Variants in PVRIG observed in about 807,000 individuals in gnomAD.
The protein encoded by PVRIG is PVR related immunoglobulin domain containing.
PVRIG carries 16 observed loss-of-function variants against 21.9 expected under a neutral mutation model. The observed-to-expected ratio is 0.73, with a 90% CI of 0.50 to 1.11. PVRIG has a LOEUF of 1.11. PVRIG is among the 50% of genes most tolerant of loss of function. The pLI is 0.00. For synonymous variants in PVRIG, 190 were observed against 181.0 expected, an observed-to-expected ratio of 1.05 and a Z score of -0.40; for missense variants, 435 against 445.7, an observed-to-expected ratio of 0.98 and a Z score of 0.22.
rs377125987 is a variant in PVRIG at position 100,220,472 on chromosome 7, C to T, written c.469+8C>T. Reference sequence around the variant, plus strand: ...CGCCCAGCTCAGACCCAGGTGGGGCCGGGGCGAGGGGTCCAGGAGGGCAGG... The same window carrying T: ...CGCCCAGCTCAGACCCAGGTGGGGCTGGGGCGAGGGGTCCAGGAGGGCAGG... On this transcript the variant is annotated splice_region_variant and intron_variant, in intron 3 of 5. Coordinates refer to ENST00000317271, the Ensembl canonical transcript of PVRIG. 17 of 1,611,802 alleles carry T rather than the reference C, an allele frequency of 1.1e-5. 1 individual carries two copies. The highest frequency in any genetic ancestry group is 5.5e-5 in the South Asian group (5 of 90,898).
chr7:100,221,488 G>C, exon 6 of PVRIG: 1 of 444,776 alleles, frequency 2.2e-6, no homozygotes. Flanking sequence ...CTCTGATGTC[G>C]GCCTCGGCTG....
chr7:100,221,320 C>A (rs2117692104), exon 6 of PVRIG: 1 of 1,283,874 alleles, frequency 7.8e-7, no homozygotes, highest in East Asian at 2.5e-5. Context: ...TACTTTAATT[C>A]TTGGGCCTCC....
exon 6 of PVRIG, chr7:100,221,421 G>A (rs1473473357): frequency 9.8e-6 from 5 of 509,986 alleles, no homozygotes; most frequent in South Asian, 3.8e-5. Flanking sequence ...GAGTGTGTGA[G>A]TGACAGTTAC....
At chr7:100,221,103 C>A (rs757239515) in exon 6 of PVRIG, 2 of 1,613,892 alleles carry the variant, frequency 1.2e-6, no homozygotes, top group African/African-American at 2.7e-5. Context: ...GCCTCCACAC[C>A]CATCCCTGCA....
At chr7:100,220,659 C>T (rs748662339) in exon 4 of PVRIG, 3 of 1,611,144 alleles carry the variant, frequency 1.9e-6, no homozygotes, top group African/African-American at 1.3e-5. Flanking sequence ...ATCTGCTGCG[C>T]CGACATAAGC....
In PVRIG at chr7:100,220,388, C is replaced by A. The variant is rs903331494; in HGVS notation, c.393C>A (p.Thr131=). 4.4e-6 allele frequency: 7 copies of A among 1,585,954 alleles called. No homozygotes were observed. The Admixed American group carries it at 9.0e-5, about 20-fold the overall frequency. The change falls in exon 3 of 6, where the codon ACC becomes ACA. Residue 131 remains threonine (T), a synonymous_variant. Transcript: ENST00000317271. ...CCAGCAGCCCCTGCGCCAACACCAC[C>A]TTCTGCTGCAAGTTTGCGTCCTTCC...
In PVRIG at chr7:100,220,917, C is replaced by G. The variant is rs532667002; in HGVS notation, c.658-11C>G. The G allele has an allele frequency of 1.9e-6, 3 of 1,576,120 alleles. No homozygotes were observed. The highest frequency in any genetic ancestry group is 1.2e-5 in the South Asian group (1 of 86,708). On this transcript the variant is annotated splice_polypyrimidine_tract_variant and intron_variant, in intron 5 of 5. Transcript: ENST00000317271. The stretch of plus-strand genomic sequence containing the variant: ...TGTGCAGACTCACTTGACCCTCCTT[C>G]CCCCGCGCAGGCACCAAGCCAGGCC...
In PVRIG at chr7:100,219,921, A is replaced by G. The variant is rs1419094131; in HGVS notation, c.11A>G (p.Glu4Gly). 18 of 1,549,628 alleles carry G rather than the reference A, an allele frequency of 1.2e-5. No individual in the cohort carries two copies. The African/African-American group carries it at 2.2e-4, about 19-fold the overall frequency. The stretch of plus-strand genomic sequence containing the variant: ...TGAAGACTTCCTGCGATGAGAACAG[A>G]GGCACAGGTGCCGGCCCTGCAGCCC... Residue 4 changes from glutamate (E) to glycine (G), a missense_variant, in exon 2 of 6, where the codon GAG (glutamate) becomes GGG (glycine). Coordinates refer to ENST00000317271, the Ensembl canonical transcript of PVRIG.
chr7:100,220,390 T>G, exon 3 of PVRIG: 1 of 1,587,102 alleles, frequency 6.3e-7, no homozygotes, highest in East Asian at 2.3e-5. Flanking sequence ...AACACCACCT[T>G]CTGCTGCAAG....
chr7:100,220,363 C>T, exon 3 of PVRIG: 1 of 1,565,828 alleles, frequency 6.4e-7, no homozygotes, highest in Non-Finnish European at 8.7e-7. Context: ...GGCTCTGGGG[C>T]CAGCAGCCCC....
In PVRIG at chr7:100,219,922, G is replaced by A. The variant is rs755241353; in HGVS notation, c.12G>A (p.Glu4=). Residue 4 remains glutamate, a synonymous_variant, in exon 2 of 6, where the codon GAG becomes GAA. Coordinates refer to ENST00000317271, the Ensembl canonical transcript of PVRIG. ...GAAGACTTCCTGCGATGAGAACAGA[G>A]GCACAGGTGCCGGCCCTGCAGCCCC... 3.5e-5 allele frequency: 54 copies of A among 1,549,720 alleles called. No homozygotes were observed. The East Asian group carries it at 1.3e-3, about 38-fold the overall frequency.
exon 2 of PVRIG, chr7:100,219,745 G>A (rs1007106320): frequency 4.5e-6 from 3 of 667,732 alleles, no homozygotes; most frequent in Middle Eastern, 4.1e-4. Context: ...ACCCACCTGT[G>A]CCGCCCTGCC....
chr7:100,220,578 T>C (rs757530666), exon 4 of PVRIG: 6 of 1,611,988 alleles, frequency 3.7e-6, no homozygotes, highest in Non-Finnish European at 5.1e-6. Flanking sequence ...CTGCCCCCAT[T>C]CTGCGGGCAG....
chr7:100,221,392 CGTGTGTGGGCACAGGTGTGA>C (rs1803247139), exon 6 of PVRIG: 7 of 626,392 alleles, frequency 1.1e-5, no homozygotes, highest in Admixed American at 9.4e-5. Context: ...TCTGTGTGTG[CGTGTGTGGGCACAGGTGTGA>C]GTGTGTGAGT....
chr7:100,220,266 T>C (rs1803139244), exon 3 of PVRIG: 1 of 1,566,888 alleles, frequency 6.4e-7, no homozygotes, highest in Non-Finnish European at 8.7e-7. Flanking sequence ...GCTGGCTGTG[T>C]TGCACCCAGA....
chr7:100,220,481 G>C lies in PVRIG; in HGVS notation c.469+17G>C, dbSNP rs1398750239. On this transcript the variant is annotated intron_variant, in intron 3 of 5. Coordinates refer to ENST00000317271, the Ensembl canonical transcript of PVRIG. ...CAGACCCAGGTGGGGCCGGGGCGAG[G>C]GGTCCAGGAGGGCAGGGAGGGGCTC... The C allele has an allele frequency of 1.2e-6, 2 of 1,611,732 alleles. No homozygotes were observed. Among genetic ancestry groups the C allele is most frequent in the African/African-American group, 2.7e-5 (2 of 74,944 alleles).
chr7:100,221,247 G>A (rs970282144), exon 6 of PVRIG: 21 of 1,563,372 alleles, frequency 1.3e-5, no homozygotes, highest in Middle Eastern at 1.7e-4. Context: ...TTAGGAGTTC[G>A]ATGAGAGAGA....
chr7:100,220,751 C>G lies in PVRIG; in HGVS notation c.597-9C>G, dbSNP rs113071786. On this transcript the variant is annotated splice_polypyrimidine_tract_variant and intron_variant, in intron 4 of 5. Transcript: ENST00000317271. ...CTGCAGAGCTCTGACCATCCTTGCT[C>G]TCTCCCAGCCCTGCCCCTAGGCTCC... is the stretch of plus-strand genomic sequence containing the variant. 8.0e-3 allele frequency: 12,870 copies of G among 1,606,314 alleles called. 962 individuals carry two copies. In the African/African-American group the frequency reaches 0.15, roughly 19 times the overall value.
At chr7:100,220,143 A>G in exon 3 of PVRIG, 1 of 1,599,132 alleles carries the variant, frequency 6.3e-7, no homozygotes, top group Non-Finnish European at 8.5e-7. Flanking sequence ...TCAAGTTCGG[A>G]TGGAGGCCAC....
Sources: gnomAD v4.1 joint callset for allele counts on GRCh38, gnomAD v4.1.1 for gene constraint, MANE v1.5 for transcripts, NCBI Gene and HGNC (gene_info 2026-07-23, HGNC 2026-07-21) for gene names.